MRPL27: variants seen among roughly 807,000 people sequenced by gnomAD.
The protein encoded by MRPL27 is large ribosomal subunit protein bL27m.
In MRPL27, 4 loss-of-function variants were observed where a neutral mutation model predicts 14.6. That is an observed-to-expected ratio of 0.27 (90% CI 0.14 to 0.63). The LOEUF is 0.63. Among genes scored for constraint, MRPL27 ranks in the 20% least tolerant of loss-of-function variants. MRPL27 has a pLI of 0.85. For missense variants in MRPL27, 196 were observed against 192.8 expected (o/e 1.02, Z -0.10); for synonymous variants, 82 against 75.5 (o/e 1.09, Z -0.45).
chr17:50,368,413 A>T, intron 3 of MRPL27, 115 bp from the exon 4 acceptor site: 6 of 1,065,790 alleles, frequency 5.6e-6, no homozygotes, highest in Non-Finnish European at 8.2e-6. Context: ...GGGTGATCAG[A>T]GAGCTCCATC....
chr17:50,368,230 G>A lies in MRPL27; in HGVS notation c.309C>T (p.Val103=), dbSNP rs917648086. 3 of 1,614,190 alleles carry A rather than the reference G, an allele frequency of 1.9e-6. No homozygotes were observed. In the South Asian group the frequency reaches 3.3e-5, roughly 18 times the overall value. The change falls in exon 4 of 4, where the codon GTC becomes GTT. Residue 103 remains valine, a synonymous_variant. Coordinates refer to ENST00000225969, the MANE Select transcript of MRPL27 (RefSeq NM_016504.3). ...CCGTGTTTCTGGGATGAGGCACGTA[G>A]ACCTCCTTAGTGTAGCGGACTATCC... ...EEGIVRYTKE[V]YVPHPRNTEA...
chr17:50,373,037 C>T lies in MRPL27; in HGVS notation c.40+94G>A, dbSNP rs1163984189. The T allele has an allele frequency of 1.0e-5, 16 of 1,552,756 alleles. 1 individual carries two copies. Among genetic ancestry groups the T allele is most frequent in the South Asian group, 9.2e-5 (8 of 87,206 alleles). On this transcript the variant is annotated intron_variant, in intron 1 of 3. Transcript: ENST00000225969. The stretch of plus-strand genomic sequence containing the variant: ...ACACACTTCCCCTCGCATCCAAGGT[C>T]CTCCGCGGGGATCAGTGTCACCTCC...
chr17:50,372,545 T>A (rs1913201771), intron 1 of MRPL27, among the ~76,000 whole-genome samples: 1 of 152,218 alleles, frequency 6.6e-6, no homozygotes. Context: ...ACGCCCCGCC[T>A]GTCATTCTTT....
intron 1 of MRPL27, 34 bp downstream of exon 1, chr17:50,373,097 G>A: frequency 6.2e-7 from 1 of 1,613,502 alleles, no homozygotes; most frequent in Non-Finnish European, 8.5e-7. Flanking sequence ...CTGCCTCCCC[G>A]CCTCACCCCG....
intron 3 of MRPL27, chr17:50,368,648 G>A (rs755778238): frequency 1.1e-4 from 63 of 595,560 alleles, no homozygotes; most frequent in Non-Finnish European, 1.8e-4. Context: ...AACAACACTA[G>A]AACTGTCATA....
chr17:50,368,330 C>G lies in MRPL27; in HGVS notation c.241-32G>C, dbSNP rs757611399. Reference sequence around the variant, plus strand: ...CACACAGACCTGGTCAGCTGGTCAGCTGGTCAGCGAGGTGGTCCGTCCCAG... The same window carrying G: ...CACACAGACCTGGTCAGCTGGTCAGGTGGTCAGCGAGGTGGTCCGTCCCAG... On this transcript the variant is annotated intron_variant, in intron 3 of 3. Transcript: ENST00000225969. The G allele has an allele frequency of 1.9e-6, 3 of 1,606,322 alleles. No homozygotes were observed. In the African/African-American group the frequency reaches 4.0e-5, roughly 22 times the overall value.
intron 1 of MRPL27, among the ~76,000 whole-genome samples, chr17:50,371,337 A>G (rs9303556): frequency 0.87 from 131,786 of 152,126 alleles, 58,315 homozygotes; most frequent in Middle Eastern, 0.94. Flanking sequence ...CTGGCCTAAA[A>G]GTGGCTCCCA....
chr17:50,371,644 A>G (rs565294179), intron 1 of MRPL27, among the ~76,000 whole-genome samples: 3 of 152,198 alleles, frequency 2.0e-5, no homozygotes, highest in East Asian at 1.9e-4. Flanking sequence ...TCTGGAGCCT[A>G]TAAGTTCAGA....
In MRPL27 at chr17:50,367,955, T is replaced by A; in HGVS notation, c.*137A>T. ...CCCAAAGGGTTTCCCAGCAGTCACT[T>A]CAGAGTCTCCTGCAGAGTCACCATC... On this transcript the variant is annotated 3_prime_UTR_variant, in exon 4 of 4. Coordinates refer to ENST00000225969, the MANE Select transcript of MRPL27 (RefSeq NM_016504.3). 1 of 948,424 alleles carries A rather than the reference T, an allele frequency of 1.1e-6. No individual in the cohort carries two copies. The highest frequency in any genetic ancestry group is 1.6e-6 in the Non-Finnish European group (1 of 635,774). The allele number at this position is 948,424 out of a possible 1,614,324, so 58.8% of individuals were successfully genotyped here.
intron 3 of MRPL27, 23 bp from the exon 4 acceptor site, chr17:50,368,321 G>A: frequency 6.2e-6 from 3 of 482,800 alleles, no homozygotes; most frequent in Non-Finnish European, 9.2e-6. Context: ...GACCTGGTCA[G>A]CTGGTCAGCT....
chr17:50,367,987 A>G lies in MRPL27; in HGVS notation c.*105T>C, dbSNP rs1913009730. 8.1e-7 allele frequency: 1 copy of G among 1,228,684 alleles called. No homozygotes were observed. The highest frequency in any genetic ancestry group is 2.0e-5 in the Admixed American group (1 of 49,994). 76.1% of individuals were successfully genotyped at this position (1,228,684 alleles called of 1,614,324 possible). A position where few individuals can be genotyped will look rare whatever the true frequency, so the allele number is the denominator to read the frequency against. Reference sequence around the variant, plus strand: ...CTCCTGCAGAGTCACCATCAAGCAGACCTCTTCCTCGGGAGGCCGTGTCGC... The same window carrying G: ...CTCCTGCAGAGTCACCATCAAGCAGGCCTCTTCCTCGGGAGGCCGTGTCGC... On this transcript the variant is annotated 3_prime_UTR_variant, in exon 4 of 4. Coordinates refer to ENST00000225969, the MANE Select transcript of MRPL27 (RefSeq NM_016504.3).
chr17:50,370,343 A>G, intron 2 of MRPL27, 112 bp downstream of exon 2: 2 of 1,537,946 alleles, frequency 1.3e-6, no homozygotes, highest in South Asian at 1.2e-5. Context: ...AACTGGAGCC[A>G]ATTATGATGG....
At chr17:50,373,015 C>T (rs1598358548) in intron 1 of MRPL27, 116 bp downstream of exon 1, 1 of 1,442,600 alleles carries the variant, frequency 6.9e-7, no homozygotes, top group East Asian at 2.4e-5. Context: ...GTACCCCACA[C>T]ACTTCCCCTC....
chr17:50,369,245 G>A (rs1409736946), intron 3 of MRPL27: 1 of 203,352 alleles, frequency 4.9e-6, no homozygotes, highest in Non-Finnish European at 9.8e-6. Context: ...GATTATTATT[G>A]TTGACATAGC....
chr17:50,368,755 T>A, intron 3 of MRPL27: 1 of 678,224 alleles, frequency 1.5e-6, no homozygotes, highest in Non-Finnish European at 2.7e-6. Flanking sequence ...GGATAATGCA[T>A]ATGCTAATAA....
intron 1 of MRPL27, chr17:50,372,878 C>G (rs1913220438): frequency 1.8e-6 from 1 of 570,620 alleles, no homozygotes; most frequent in Non-Finnish European, 3.1e-6. Context: ...CACCCAAATC[C>G]CCAACCGCCA....
chr17:50,370,357 G>C, intron 2 of MRPL27, 98 bp downstream of exon 2: 1 of 1,568,958 alleles, frequency 6.4e-7, no homozygotes, highest in South Asian at 1.1e-5. Context: ...ATGATGGTAA[G>C]GAAGAACAGG....
At chr17:50,368,477 A>G in intron 3 of MRPL27, 179 bp from the exon 4 acceptor site, 1 of 641,904 alleles carries the variant, frequency 1.6e-6, no homozygotes, top group South Asian at 2.0e-5. Flanking sequence ...TTCTTTATTG[A>G]CTCATAACAA....
chr17:50,369,698 G>A (rs1293162589), intron 3 of MRPL27: 2 of 329,240 alleles, frequency 6.1e-6, no homozygotes, highest in Non-Finnish European at 1.1e-5. Flanking sequence ...AAATCACCAG[G>A]TATCTTGTCC....
Sources: gnomAD v4.1 joint callset for allele counts (sites outside exome capture counted in the v4.1 genomes callset) on GRCh38, gnomAD v4.1.1 for gene constraint, MANE v1.5 for transcripts, NCBI Gene and HGNC (gene_info 2026-07-23, HGNC 2026-07-21) for gene names.